Variants in METTL9 observed in about 807,000 individuals in gnomAD.
METTL9 encodes protein-L-histidine N-pros-methyltransferase.
METTL9 carries 10 observed loss-of-function variants against 36.0 expected under a neutral mutation model. That is an observed-to-expected ratio of 0.28 (90% CI 0.17 to 0.47). METTL9 has a LOEUF of 0.47. Among genes scored for constraint, METTL9 ranks in the 20% least tolerant of loss-of-function variants. The probability of loss-of-function intolerance (pLI) is 0.99; values close to 1 mark genes in which losing one functional copy is unlikely to be tolerated. For synonymous variants in METTL9, 175 were observed against 149.7 expected, an observed-to-expected ratio of 1.17 and a Z score of -1.23; for missense variants, 246 against 383.5, an observed-to-expected ratio of 0.64 and a Z score of 3.00.
At position 21,599,751 on chromosome 16, in the gene METTL9, C is replaced by T; in HGVS notation, c.18C>T (p.Gly6=). MRLLA[G]WLCLSLASVW... ...GGCCCCCGATGAGACTGCTGGCGGG[C>T]TGGCTGTGCCTGAGCCTGGCGTCCG... Residue 6 remains glycine, a synonymous_variant, in exon 1 of 5, where the codon GGC becomes GGT. Coordinates refer to ENST00000358154, the MANE Select transcript of METTL9 (RefSeq NM_016025.5). The surrounding 1 kb of genome is among the most constrained non-coding windows in gnomAD (Gnocchi z 4.4). 2.6e-6 allele frequency: 4 copies of T among 1,526,896 alleles called. No individual in the cohort carries two copies. The highest frequency in any genetic ancestry group is 2.6e-6 in the Non-Finnish European group (3 of 1,145,122). 94.6% of individuals were successfully genotyped at this position (1,526,896 alleles called of 1,614,324 possible).
intron 4 of METTL9, among the ~76,000 whole-genome samples, chr16:21,631,527 ACT>A (rs777433120): frequency 6.6e-6 from 1 of 151,774 alleles, no homozygotes; most frequent in Non-Finnish European, 1.5e-5. Context: ...AATTTTCCTA[ACT>A]CTGTTTCTAC....
chr16:21,626,843 A>T, intron 4 of METTL9: 2 of 674,088 alleles, frequency 3.0e-6, no homozygotes, highest in Non-Finnish European at 3.7e-6. Flanking sequence ...ATAGAACTTT[A>T]ATGCTACTTC....
chr16:21,640,623 C>G (rs932703983), intron 4 of METTL9: 6 of 149,038 alleles, frequency 4.0e-5, no homozygotes, highest in Non-Finnish European at 5.9e-5. Context: ...AAAAATTAGC[C>G]GGGCGTGGTG....
At chr16:21,632,692 C>T (rs918462165) in intron 4 of METTL9, among the ~76,000 whole-genome samples, 1 of 152,176 alleles carries the variant, frequency 6.6e-6, no homozygotes, top group Non-Finnish European at 1.5e-5. Flanking sequence ...ATGCCACTTA[C>T]ATCATGAGTA....
intron 1 of METTL9, among the ~76,000 whole-genome samples, chr16:21,607,139 C>T (rs1567325752): frequency 6.6e-6 from 1 of 151,162 alleles, no homozygotes; most frequent in South Asian, 2.1e-4. Flanking sequence ...CAGTGGCACA[C>T]TCTGGGCTCA....
chr16:21,630,274 G>T (rs962884136), intron 4 of METTL9, among the ~76,000 whole-genome samples: 14 of 152,208 alleles, frequency 9.2e-5, no homozygotes. Flanking sequence ...CGCCAAGTGC[G>T]GGGCCTGCCG....
In METTL9 at chr16:21,647,416, G is replaced by A; in HGVS notation, c.752-7811G>A. ...CGGTTGCGGAGAAGGTACACTTTAT[G>A]GTGACGGCCTCATGAGTGTAGTCCA... is the stretch of plus-strand genomic sequence containing the variant. On this transcript the variant is annotated intron_variant, in intron 4 of 4. Transcript: ENST00000358154. The A allele has an allele frequency of 3.7e-6, 6 of 1,614,026 alleles. No homozygotes were observed. The Admixed American group carries it at 5.0e-5, about 13-fold the overall frequency.
intron 1 of METTL9, among the ~76,000 whole-genome samples, chr16:21,601,604 G>A (rs1475731990): frequency 6.6e-6 from 1 of 152,126 alleles, no homozygotes; most frequent in Non-Finnish European, 1.5e-5. Flanking sequence ...TGTAGACATA[G>A]CCTCAGAATA....
chr16:21,634,347 C>T (rs1966032662), intron 4 of METTL9, among the ~76,000 whole-genome samples: 8 of 152,176 alleles, frequency 5.3e-5, no homozygotes, highest in Admixed American at 5.2e-4. Flanking sequence ...GGGCTTCTGA[C>T]CCAGAGAACC....
chr16:21,646,943 C>G, intron 4 of METTL9: 1 of 704,186 alleles, frequency 1.4e-6, no homozygotes, highest in Non-Finnish European at 2.4e-6. Flanking sequence ...TGTGAGCCAC[C>G]ACGCCCAGCC....
chr16:21,607,838 A>G lies in METTL9; in HGVS notation c.166-4807A>G, dbSNP rs76787767. On this transcript the variant is annotated intron_variant, in intron 1 of 4. Transcript: ENST00000358154. ...TGCACCTTTGTCTCTGTAGTCTTTA[A>G]GGAGCACACATTTAAAGAACTCACC... is the stretch of plus-strand genomic sequence containing the variant. Among the ~76,000 whole-genome samples, 1,343 of 152,292 alleles carry G rather than the reference A, an allele frequency of 8.8e-3. 47 individuals carry two copies. Among genetic ancestry groups the G allele is most frequent in the East Asian group, 0.083 (428 of 5,186 alleles).
At chr16:21,643,639 A>C (rs1337354256) in intron 4 of METTL9, 2 of 1,363,292 alleles carry the variant, frequency 1.5e-6, no homozygotes, top group Admixed American at 1.9e-5. Context: ...CATTTTATGT[A>C]CTCATAACAA....
Position 21,599,930 on chromosome 16 carries a change from C to A in METTL9, c.165+32C>A. Reference sequence around the variant, plus strand: ...GCTGGGGCCGGGGCCGGGGCGGGGGCGTGGCGGCCCGGCCTTCCCGCGCTG... The same window carrying A: ...GCTGGGGCCGGGGCCGGGGCGGGGGAGTGGCGGCCCGGCCTTCCCGCGCTG... On this transcript the variant is annotated intron_variant, in intron 1 of 4. Transcript: ENST00000358154. The surrounding 1 kb of genome is among the most constrained non-coding windows in gnomAD (Gnocchi z 4.4). 7.7e-7 allele frequency: 1 copy of A among 1,300,746 alleles called. No individual in the cohort carries two copies. Among genetic ancestry groups the A allele is most frequent in the Non-Finnish European group, 9.7e-7 (1 of 1,030,248 alleles). The allele number at this position is 1,300,746 out of a possible 1,614,324, so 80.6% of individuals were successfully genotyped here.
At chr16:21,642,685 A>G (rs1966304081) in intron 4 of METTL9, among the ~76,000 whole-genome samples, 1 of 152,098 alleles carries the variant, frequency 6.6e-6, no homozygotes, top group African/African-American at 2.4e-5. Context: ...CTTATAAGTA[A>G]CAAGTAATTT....
chr16:21,625,269 G>A, intron 4 of METTL9, 154 bp downstream of exon 4: 1 of 807,016 alleles, frequency 1.2e-6, no homozygotes, highest in Non-Finnish European at 2.0e-6. Context: ...CACCATCTTG[G>A]TTAATGTTCA....
chr16:21,605,271 T>C lies in METTL9; in HGVS notation c.165+5373T>C, dbSNP rs1965251168. On this transcript the variant is annotated intron_variant, in intron 1 of 4. Transcript: ENST00000358154. ...AGGCTTGCCTTCTTTTTTTTTTTTT[T>C]TTTTTTTTTTTTTTTTTTTTTTTTT... 1.9e-5 allele frequency among the ~76,000 whole-genome samples: 2 copies of C among 107,752 alleles called. 1 individual carries two copies. Among genetic ancestry groups the C allele is most frequent in the African/African-American group, 9.1e-5 (2 of 22,076 alleles). 70.7% of individuals were successfully genotyped at this position (107,752 alleles called of 152,430 possible).
At chr16:21,616,936 C>T (rs1965567563) in intron 2 of METTL9, among the ~76,000 whole-genome samples, 1 of 152,072 alleles carries the variant, frequency 6.6e-6, no homozygotes, top group Non-Finnish European at 1.5e-5. Flanking sequence ...CCTATTTTGA[C>T]TTAAGTTCTT....
rs775331284 is a variant in METTL9 at position 21,655,294 on chromosome 16, G to A, written c.819G>A (p.Val273=). The A allele has an allele frequency of 1.2e-5, 19 of 1,614,092 alleles. No individual in the cohort carries two copies. Among genetic ancestry groups the A allele is most frequent in the Non-Finnish European group, 1.5e-5 (18 of 1,180,040 alleles). The part of the protein sequence containing the change: ...EIKGQNWEEQ[V]NSLPEVFRKA... ...AAGGACAGAACTGGGAAGAACAAGT[G>A]AATAGTCTGCCTGAAGTTTTCAGAA... is the stretch of plus-strand genomic sequence containing the variant. The change falls in exon 5 of 5, where the codon GTG becomes GTA. Residue 273 remains valine, a synonymous_variant. Transcript: ENST00000358154.
intron 4 of METTL9, chr16:21,646,236 A>G (rs1301866137): frequency 6.6e-6 from 1 of 151,582 alleles, no homozygotes; most frequent in Non-Finnish European, 1.5e-5. Context: ...GGATTTAGCT[A>G]TGTTTGATGT....
Sources: gnomAD v4.1 joint callset for allele counts (sites outside exome capture counted in the v4.1 genomes callset) on GRCh38, gnomAD v4.1.1 for gene constraint, Gnocchi (gnomAD v3.1) non-coding constraint, MANE v1.5 for transcripts, NCBI Gene and HGNC (gene_info 2026-07-23, HGNC 2026-07-21) for gene names.